Variants in DOCK8 observed in about 807,000 individuals in gnomAD.
DOCK8 encodes the protein dedicator of cytokinesis 8.
In DOCK8, 141 loss-of-function variants were observed where a neutral mutation model predicts 245.6. The observed-to-expected ratio is 0.57, with a 90% confidence interval of 0.50 to 0.66. The LOEUF is 0.66. Ranked by LOEUF, DOCK8 falls within the 30% of genes least tolerant of loss-of-function variation. The probability of loss-of-function intolerance (pLI) is 0.00; values close to 1 mark genes in which losing one functional copy is unlikely to be tolerated. For missense variants in DOCK8, 2,965 were observed against 2,603.4 expected (o/e 1.14, Z -3.02); for synonymous variants, 1,168 against 970.2 (o/e 1.20, Z -3.79).
At chr9:295,984 A>G (rs1483022956) in intron 4 of DOCK8, among the ~76,000 whole-genome samples, 1 of 152,258 alleles carries the variant, frequency 6.6e-6, no homozygotes, top group Non-Finnish European at 1.5e-5. Context: ...AATGTAAAAT[A>G]CATGATCTCC....
chr9:292,069 CAAAAAAAAA>C (rs139396600), intron 4 of DOCK8, among the ~76,000 whole-genome samples: 1 of 52,556 alleles, frequency 1.9e-5, no homozygotes, highest in African/African-American at 7.9e-5. Flanking sequence ...GACCCTATCT[CAAAAAAAAA>C]AAAAAAAAAA....
In DOCK8 at chr9:406,744, T is replaced by C. The variant is rs893395772; in HGVS notation, c.3391-186T>C. The stretch of plus-strand genomic sequence containing the variant: ...CGCTGGGCAGTCTTCTCTCTGTGGG[T>C]ATGGGAAAGTGCAGTAACCACTCTG... On this transcript the variant is annotated intron_variant, in intron 27 of 47. Coordinates refer to ENST00000432829, the MANE Select transcript of DOCK8 (RefSeq NM_203447.4). Among the ~76,000 whole-genome samples the C allele has an allele frequency of 2.6e-5, 4 of 152,062 alleles. No individual in the cohort carries two copies. In the South Asian group the frequency reaches 6.2e-4, roughly 24 times the overall value.
intron 1 of DOCK8, among the ~76,000 whole-genome samples, chr9:222,862 A>G (rs55748407): frequency 6.6e-6 from 1 of 152,344 alleles, no homozygotes; most frequent in Non-Finnish European, 1.5e-5. Flanking sequence ...TTGCTTAACA[A>G]TGTAATCCAA....
At chr9:310,598 A>G (rs1389209201) in intron 5 of DOCK8, among the ~76,000 whole-genome samples, 2 of 152,120 alleles carry the variant, frequency 1.3e-5, no homozygotes. Flanking sequence ...AGCTGAGATT[A>G]TAGGCACTGG....
intron 26 of DOCK8, among the ~76,000 whole-genome samples, chr9:400,259 C>G (rs796205409): frequency 2.3e-5 from 2 of 87,504 alleles, no homozygotes; most frequent in East Asian, 4.7e-4. Flanking sequence ...ACCATCACCA[C>G]CACCTCCACC....
At position 433,884 on chromosome 9, in the gene DOCK8, C is replaced by T; in HGVS notation, c.4795C>T (p.Leu1599Phe). 1 of 1,613,848 alleles carries T rather than the reference C, an allele frequency of 6.2e-7. No homozygotes were observed. The highest frequency in any genetic ancestry group is 1.1e-5 in the South Asian group (1 of 91,080). The change falls in exon 38 of 48, where the codon CTT becomes TTT. Residue 1599 changes from leucine (L) to phenylalanine (F), a missense_variant. By Grantham distance (22) the Leu-to-Phe change is conservative. Transcript: ENST00000432829. ...CTTACACTTTTTGCAGGTGGAGGAA[C>T]TTCTCTGTAATCTGAATAGCATCTT... The part of the protein sequence containing the change: ...MTPFPTQVEE[L>F]LCNLNSILYD...
chr9:398,185 C>G (rs2054551188), intron 25 of DOCK8, among the ~76,000 whole-genome samples: 2 of 152,146 alleles, frequency 1.3e-5, no homozygotes, highest in South Asian at 4.1e-4. Context: ...AAAAGTCACA[C>G]ACAGCCAGCA....
intron 22 of DOCK8, among the ~76,000 whole-genome samples, 173 bp from the exon 23 acceptor site, chr9:386,158 T>G (rs1333492370): frequency 2.0e-5 from 3 of 152,172 alleles, no homozygotes; most frequent in Non-Finnish European, 4.4e-5. Flanking sequence ...TAAAATTAGG[T>G]ATAACTTCAC....
At chr9:431,282 C>T (rs924673808) in intron 36 of DOCK8, among the ~76,000 whole-genome samples, 1 of 152,076 alleles carries the variant, frequency 6.6e-6, no homozygotes, top group African/African-American at 2.4e-5. Flanking sequence ...TTTGGAATTT[C>T]CATTTGTGGC....
upstream of DOCK8, chr9:214,561 G>T: frequency 3.1e-6 from 5 of 1,613,878 alleles, no homozygotes; most frequent in Non-Finnish European, 2.5e-6. Flanking sequence ...GGGCTCCCCC[G>T]ACTTGCCTAC....
At chr9:435,372 T>G (rs1196565283) in intron 39 of DOCK8, among the ~76,000 whole-genome samples, 1 of 150,670 alleles carries the variant, frequency 6.6e-6, no homozygotes, top group East Asian at 1.9e-4. Flanking sequence ...ATGGCTTCAT[T>G]TGAACCTCCC....
chr9:225,323 G>T (rs749653503), intron 1 of DOCK8, among the ~76,000 whole-genome samples: 1 of 152,168 alleles, frequency 6.6e-6, no homozygotes, highest in Non-Finnish European at 1.5e-5. Flanking sequence ...ATGAGTCTCA[G>T]CTGGGCCCTG....
chr9:334,422 C>T (rs2051208925), intron 11 of DOCK8, 38 bp downstream of exon 11: 1 of 1,604,644 alleles, frequency 6.2e-7, no homozygotes, highest in African/African-American at 1.3e-5. Flanking sequence ...GGAGGGCTCC[C>T]CAGTGTGCGC....
chr9:349,049 TC>T (rs2052035174), intron 14 of DOCK8, among the ~76,000 whole-genome samples: 1 of 152,302 alleles, frequency 6.6e-6, no homozygotes, highest in Non-Finnish European at 1.5e-5. Context: ...GTCTTATACT[TC>T]CAGATCGTCT....
intron 14 of DOCK8, among the ~76,000 whole-genome samples, chr9:352,507 G>T (rs1408777161): frequency 6.6e-6 from 1 of 152,070 alleles, no homozygotes; most frequent in South Asian, 2.1e-4. Context: ...ACTTTGGGAG[G>T]CCGAGGCGGG....
rs538564333 is a variant in DOCK8 at position 340,077 on chromosome 9, G to A, written c.1517-82G>A. Reference sequence around the variant, plus strand: ...ATAGTTTGTTCTTATTTTCATGAAAGAAACACAGTGCAACAATCTTTCTTG... The same window carrying A: ...ATAGTTTGTTCTTATTTTCATGAAAAAAACACAGTGCAACAATCTTTCTTG... On this transcript the variant is annotated intron_variant, in intron 13 of 47. Transcript: ENST00000432829. 2.6e-6 allele frequency: 4 copies of A among 1,514,278 alleles called. No homozygotes were observed. In the African/African-American group the frequency reaches 5.5e-5, roughly 21 times the overall value. 93.8% of individuals were successfully genotyped at this position (1,514,278 alleles called of 1,614,324 possible).
chr9:399,280 C>CT, intron 26 of DOCK8, 21 bp downstream of exon 26: 2 of 1,514,478 alleles, frequency 1.3e-6, no homozygotes, highest in African/African-American at 1.5e-5. Context: ...CCCCCACCCC[C>CT]ACCCCCGAGC....
At chr9:420,728 A>G (rs931242774) in intron 31 of DOCK8, 145 bp downstream of exon 31, 4 of 1,238,444 alleles carry the variant, frequency 3.2e-6, no homozygotes, top group Non-Finnish European at 4.7e-6. Flanking sequence ...ATTTGTAGGT[A>G]TAGATATGAT....
intron 29 of DOCK8, among the ~76,000 whole-genome samples, chr9:416,133 G>C (rs969020147): frequency 6.6e-6 from 1 of 152,180 alleles, no homozygotes; most frequent in African/African-American, 2.4e-5. Context: ...GTAGAGTTCT[G>C]TTGGGGCCAG....
Sources: allele counts gnomAD v4.1 joint callset (sites outside exome capture counted in the v4.1 genomes callset), GRCh38; gene constraint gnomAD v4.1.1; transcripts MANE v1.5; gene names NCBI Gene and HGNC (gene_info 2026-07-23, HGNC 2026-07-21).